ZNF248: variants seen among roughly 807,000 people sequenced by gnomAD.
ZNF248 encodes the protein KRAB protein domain.
Under a neutral mutation model 44.3 loss-of-function variants are expected in ZNF248, and 20 were observed. The observed-to-expected ratio is 0.45, with a 90% CI of 0.32 to 0.66. ZNF248 has a LOEUF of 0.66. ZNF248 is among the 30% of genes least tolerant of loss of function. The probability of loss-of-function intolerance (pLI) is 0.04; values close to 1 mark genes in which losing one functional copy is unlikely to be tolerated. For synonymous variants in ZNF248, 224 were observed against 229.0 expected (o/e 0.98, Z 0.20); for missense variants, 654 against 677.0 (o/e 0.97, Z 0.38).
chr10:37,807,069 C>T (rs7902945), intron 6 of ZNF248, among the ~76,000 whole-genome samples: 25 of 151,908 alleles, frequency 1.6e-4, no homozygotes, highest in Non-Finnish European at 2.6e-4. Context: ...CTGCAAACTC[C>T]GCCTCCAAGG....
intron 3 of ZNF248, among the ~76,000 whole-genome samples, chr10:37,853,212 G>C (rs1054899692): frequency 1.3e-5 from 2 of 151,894 alleles, no homozygotes; most frequent in African/African-American, 4.8e-5. Flanking sequence ...AAATACTACA[G>C]GATAAATATA....
chr10:37,764,672 C>T, the ZNF248 span, among the ~76,000 whole-genome samples: 10 of 152,098 alleles, frequency 6.6e-5, no homozygotes, highest in Non-Finnish European at 8.8e-5. Flanking sequence ...TAGGCCGACA[C>T]CGGGAAAATA....
At chr10:37,852,999 C>T (rs1346670100) in intron 3 of ZNF248, among the ~76,000 whole-genome samples, 1 of 151,900 alleles carries the variant, frequency 6.6e-6, no homozygotes, top group Non-Finnish European at 1.5e-5. Flanking sequence ...GTAGCTGGGA[C>T]TACAGATGTG....
chr10:37,807,484 T>C (rs1425552474), intron 6 of ZNF248, among the ~76,000 whole-genome samples: 2 of 152,220 alleles, frequency 1.3e-5, no homozygotes, highest in Non-Finnish European at 2.9e-5. Flanking sequence ...TTGATAGAGA[T>C]TGCATTGAAC....
At chr10:37,806,999 T>C (rs2133315658) in intron 6 of ZNF248, among the ~76,000 whole-genome samples, 1 of 152,228 alleles carries the variant, frequency 6.6e-6, no homozygotes, top group Non-Finnish European at 1.5e-5. Context: ...TTTTTCTTTT[T>C]TTGAGACAGA....
At chr10:37,791,604 T>G (rs548127628) in intron 6 of ZNF248, 2 of 152,166 alleles carry the variant, frequency 1.3e-5, no homozygotes, top group Non-Finnish European at 2.9e-5. Context: ...TGGATTTCAG[T>G]GGGATGTCAT....
downstream of ZNF248, among the ~76,000 whole-genome samples, chr10:37,826,823 A>G (rs2054462399): frequency 6.6e-6 from 1 of 152,190 alleles, no homozygotes; most frequent in Non-Finnish European, 1.5e-5. Flanking sequence ...CTAGCATTTG[A>G]TTAATATTCT....
At chr10:37,825,722 T>A (rs970990985), downstream of ZNF248, among the ~76,000 whole-genome samples, 92 of 152,128 alleles carry the variant, frequency 6.0e-4, no homozygotes, top group African/African-American at 2.2e-3. Flanking sequence ...ATTAGAGGCA[T>A]GAGCCACCCC....
At chr10:37,850,867 AAAG>A (rs2060110593) in intron 3 of ZNF248, among the ~76,000 whole-genome samples, 1 of 152,156 alleles carries the variant, frequency 6.6e-6, no homozygotes, top group Non-Finnish European at 1.5e-5. Flanking sequence ...AGACAAAAAA[AAAG>A]AGAAAATCTT....
chr10:37,781,428 T>A (rs1411009635), intron 6 of ZNF248, among the ~76,000 whole-genome samples: 3 of 152,226 alleles, frequency 2.0e-5, no homozygotes, highest in African/African-American at 7.2e-5. Context: ...AAGATGCATT[T>A]TAAGGTGTGC....
At chr10:37,764,190 G>C in the ZNF248 span, among the ~76,000 whole-genome samples, 1 of 152,138 alleles carries the variant, frequency 6.6e-6, no homozygotes, top group African/African-American at 2.4e-5. Context: ...TGCATTCCTA[G>C]GGGGAGGTCT....
At chr10:37,841,280 C>A (rs1464543783) in intron 3 of ZNF248, among the ~76,000 whole-genome samples, 1 of 152,064 alleles carries the variant, frequency 6.6e-6, no homozygotes, top group Non-Finnish European at 1.5e-5. Flanking sequence ...TAATAGCCTG[C>A]TCTTGTTTTA....
At chr10:37,769,500 A>T in the ZNF248 span, among the ~76,000 whole-genome samples, 26 of 152,364 alleles carry the variant, frequency 1.7e-4, no homozygotes, top group African/African-American at 6.3e-4. Flanking sequence ...TCCAGCATAT[A>T]AACAGAACCA....
At position 37,831,179 on chromosome 10, in the gene ZNF248, G is replaced by A. The variant is rs1006846646; in HGVS notation, c.*436C>T. 1 of 1,532,510 alleles carries A rather than the reference G, an allele frequency of 6.5e-7. No homozygotes were observed. Among genetic ancestry groups the A allele is most frequent in the African/African-American group, 1.4e-5 (1 of 72,310 alleles). The allele number at this position is 1,532,510 out of a possible 1,614,324, so 94.9% of individuals were successfully genotyped here. A position where few individuals can be genotyped will look rare whatever the true frequency, so the allele number is the denominator to read the frequency against. On this transcript the variant is annotated 3_prime_UTR_variant, in exon 6 of 6. Coordinates refer to ENST00000395867, the MANE Select transcript of ZNF248 (RefSeq NM_021045.3). Reference sequence around the variant, plus strand: ...CGTATCTTCTCCTTATGATCATGTTGAGTTCCAATATACAAATCAAGCATA... The same window carrying A: ...CGTATCTTCTCCTTATGATCATGTTAAGTTCCAATATACAAATCAAGCATA...
chr10:37,782,711 TTGGAG>T (rs2047450934), intron 6 of ZNF248, among the ~76,000 whole-genome samples: 1 of 151,826 alleles, frequency 6.6e-6, no homozygotes, highest in African/African-American at 2.4e-5. Flanking sequence ...GAGGCAGAGA[TTGGAG>T]TGATGTGTCT....
At position 37,830,781 on chromosome 10, in the gene ZNF248, T is replaced by A. The variant is rs148940481; in HGVS notation, c.*834A>T. 6.2e-4 allele frequency: 129 copies of A among 209,538 alleles called. No individual in the cohort carries two copies. The highest frequency in any genetic ancestry group is 9.6e-4 in the Non-Finnish European group (114 of 119,000). 13.0% of individuals were successfully genotyped at this position (209,538 alleles called of 1,614,324 possible). A position where few individuals can be genotyped will look rare whatever the true frequency, so the allele number is the denominator to read the frequency against. ...ATGTGCAGTGCACACTATTATACAG[T>A]ATTTTCATCATACAGATTAAATAAG... On this transcript the variant is annotated 3_prime_UTR_variant, in exon 6 of 6. Coordinates refer to ENST00000395867, the MANE Select transcript of ZNF248 (RefSeq NM_021045.3).
At chr10:37,807,002 G>C (rs755728202) in intron 6 of ZNF248, among the ~76,000 whole-genome samples, 18 of 143,178 alleles carry the variant, frequency 1.3e-4, no homozygotes, top group Non-Finnish European at 1.7e-4. Flanking sequence ...TTCTTTTTTT[G>C]AGACAGAGTC....
At chr10:37,813,599 A>AT (rs764714261) in intron 6 of ZNF248, among the ~76,000 whole-genome samples, 39 of 151,426 alleles carry the variant, frequency 2.6e-4, no homozygotes, top group African/African-American at 9.0e-4. Context: ...CTTCCTTACG[A>AT]TTTTTTTTTC....
At chr10:37,762,112 G>A in the ZNF248 span, among the ~76,000 whole-genome samples, 13 of 152,140 alleles carry the variant, frequency 8.5e-5, no homozygotes, top group African/African-American at 3.1e-4. Flanking sequence ...TCAAAATTAG[G>A]GTGAACTAAT....
Sources: gnomAD v4.1 joint callset for allele counts (sites outside exome capture counted in the v4.1 genomes callset) on GRCh38, gnomAD v4.1.1 for gene constraint, MANE v1.5 for transcripts, NCBI Gene and HGNC (gene_info 2026-07-23, HGNC 2026-07-21) for gene names.